KCNMA1: variants seen among roughly 807,000 people sequenced by gnomAD.
KCNMA1 encodes Calcium-activated potassium channel subunit alpha-1.
In KCNMA1, 29 loss-of-function variants were observed where a neutral mutation model predicts 140.0. The observed-to-expected ratio is 0.21, with a 90% confidence interval of 0.15 to 0.28. The LOEUF is 0.28. Ranked by LOEUF, KCNMA1 falls within the 10% of genes least tolerant of loss-of-function variation. The pLI, the probability that KCNMA1 is intolerant of heterozygous loss-of-function variation, is 1.00. For synonymous variants in KCNMA1, 612 were observed against 611.9 expected (o/e 1.00, Z 0.00); for missense variants, 880 against 1,602.2 (o/e 0.55, Z 7.70).
chr10:77,442,783 T>C (rs2097435769), intron 1 of KCNMA1, among the ~76,000 whole-genome samples: 1 of 152,100 alleles, frequency 6.6e-6, no homozygotes, highest in Admixed American at 6.5e-5. Flanking sequence ...GCTCCCCTCC[T>C]CCTCCTTCAC....
rs147293914 is a variant in KCNMA1 at position 77,026,062 on chromosome 10, C to T, written c.1928+1761G>A. On this transcript the variant is annotated intron_variant, in intron 16 of 27. Coordinates refer to ENST00000286628, the MANE Select transcript of KCNMA1 (RefSeq NM_001161352.2). ...AAATATGGCTTTGTTGAAAACATCT[C>T]AGAATTGTGACTCAATTGAAGGGCC... Among the ~76,000 whole-genome samples the T allele has an allele frequency of 4.9e-3, 748 of 151,312 alleles. 8 individuals carry two copies. Among genetic ancestry groups the T allele is most frequent in the African/African-American group, 0.018 (725 of 41,284 alleles).
Position 76,970,022 on chromosome 10 carries a change from C to T in KCNMA1, c.2312G>A (p.Arg771Gln), listed in dbSNP as rs2153158663. The T allele has an allele frequency of 6.2e-7, 1 of 1,613,992 alleles. No homozygotes were observed. Among genetic ancestry groups the T allele is most frequent in the South Asian group, 1.1e-5 (1 of 91,074 alleles). ...GGGTGAGTTCCGCATGCCTCCATTC[C>T]GTTGCTTTTTTTTTGGTGATAGTGT... Reference protein sequence around the residue: ...PSTLSPKKKQRNGGMRNSPNT... With the variant: ...PSTLSPKKKQQNGGMRNSPNT... Residue 771 changes from arginine to glutamine, a missense_variant, in exon 20 of 28, where the codon CGG becomes CAG. By Grantham distance (43) the Arg-to-Gln change is conservative (BLOSUM62 1). Around this residue, in one of 13 missense-constraint regions of KCNMA1, gnomAD observed 196 missense variants for 233.0 expected, o/e 0.84. Coordinates refer to ENST00000286628, the MANE Select transcript of KCNMA1 (RefSeq NM_001161352.2).
chr10:77,302,649 G>A (rs1400064553), intron 2 of KCNMA1, among the ~76,000 whole-genome samples: 1 of 152,138 alleles, frequency 6.6e-6, no homozygotes, highest in Non-Finnish European at 1.5e-5. Flanking sequence ...AGCAGAGAGG[G>A]GACGTGAGAA....
chr10:76,992,506 T>C (rs2083065506), intron 19 of KCNMA1, among the ~76,000 whole-genome samples: 1 of 152,170 alleles, frequency 6.6e-6, no homozygotes, highest in Non-Finnish European at 1.5e-5. Flanking sequence ...CCCCTGACTA[T>C]CCAGGTAATT....
intron 29 of KCNMA1, among the ~76,000 whole-genome samples, chr10:76,879,210 C>A (rs1462395420): frequency 6.6e-6 from 1 of 152,062 alleles, no homozygotes; most frequent in African/African-American, 2.4e-5. Flanking sequence ...TTTCAAGTGC[C>A]CTGAGCTGTC....
At chr10:77,266,410 G>C (rs1320182315) in intron 2 of KCNMA1, among the ~76,000 whole-genome samples, 1 of 152,130 alleles carries the variant, frequency 6.6e-6, no homozygotes, top group African/African-American at 2.4e-5. Context: ...AGAACTTTTT[G>C]GCAATAATAT....
chr10:77,295,530 C>T (rs972589733), intron 2 of KCNMA1, among the ~76,000 whole-genome samples: 1 of 151,744 alleles, frequency 6.6e-6, no homozygotes, highest in Non-Finnish European at 1.5e-5. Context: ...GCCTGTAATC[C>T]CAGCACTTTG....
intron 5 of KCNMA1, among the ~76,000 whole-genome samples, chr10:77,141,171 C>G (rs895528506): frequency 1.3e-5 from 2 of 152,162 alleles, no homozygotes; most frequent in Non-Finnish European, 2.9e-5. Context: ...TCTGGGCTAT[C>G]CAGAGGAAGA....
chr10:77,282,081 A>G (rs953622247), intron 2 of KCNMA1, among the ~76,000 whole-genome samples: 2 of 152,188 alleles, frequency 1.3e-5, no homozygotes, highest in Non-Finnish European at 2.9e-5. Context: ...CGATCCTTAA[A>G]ACATGCTCTT....
intron 1 of KCNMA1, among the ~76,000 whole-genome samples, chr10:77,622,017 T>C (rs1181374219): frequency 6.6e-6 from 1 of 152,212 alleles, no homozygotes; most frequent in African/African-American, 2.4e-5. Context: ...GTTCATAAAA[T>C]ACATTTATAT....
intron 1 of KCNMA1, among the ~76,000 whole-genome samples, chr10:77,448,958 A>G (rs573416296): frequency 6.6e-5 from 10 of 152,020 alleles, no homozygotes; most frequent in African/African-American, 1.7e-4. Flanking sequence ...GTAGTGGTGC[A>G]TGCCTGTAAT....
intron 3 of KCNMA1, among the ~76,000 whole-genome samples, chr10:77,224,938 A>G (rs568182031): frequency 6.6e-6 from 1 of 152,278 alleles, no homozygotes; most frequent in Admixed American, 6.5e-5. Flanking sequence ...CGCTGCTCCC[A>G]CTTGTCAGAT....
At chr10:77,625,281 T>A (rs1468421198) in intron 1 of KCNMA1, among the ~76,000 whole-genome samples, 1 of 152,008 alleles carries the variant, frequency 6.6e-6, no homozygotes, top group Non-Finnish European at 1.5e-5. Context: ...CTCCGGAGGC[T>A]GAGGCAGGAG....
At chr10:77,125,764 G>A (rs2097718856) in intron 5 of KCNMA1, among the ~76,000 whole-genome samples, 1 of 152,228 alleles carries the variant, frequency 6.6e-6, no homozygotes, top group Admixed American at 6.5e-5. Flanking sequence ...GGCATAAGGT[G>A]AAGGCTCAAT....
At chr10:77,546,818 CA>C (rs1437276919) in intron 1 of KCNMA1, among the ~76,000 whole-genome samples, 1 of 152,202 alleles carries the variant, frequency 6.6e-6, no homozygotes, top group Non-Finnish European at 1.5e-5. Flanking sequence ...TGGGCATTAG[CA>C]ACTGGAGTTC....
In KCNMA1 at chr10:77,277,823, G is replaced by A. The variant is rs181853274; in HGVS notation, c.541-26567C>T. On this transcript the variant is annotated intron_variant, in intron 2 of 27. Transcript: ENST00000286628. ...ACCCCAAGTACCACAATTGGAGAAG[G>A]ATGATCTCCAAAGCTGCCTGGGAAG... Among the ~76,000 whole-genome samples the A allele has an allele frequency of 1.5e-3, 223 of 152,294 alleles. 1 individual carries two copies. The highest frequency in any genetic ancestry group is 2.9e-4 in the Non-Finnish European group (20 of 68,024).
chr10:77,243,738 A>G (rs573048), intron 3 of KCNMA1, among the ~76,000 whole-genome samples: 52,743 of 152,084 alleles, frequency 0.35, 9,563 homozygotes, highest in East Asian at 0.57. Context: ...CAATGTGTTC[A>G]GCTCTTCAAT....
intron 13 of KCNMA1, among the ~76,000 whole-genome samples, chr10:77,073,677 CA>C (rs1219934188): frequency 6.6e-6 from 1 of 152,190 alleles, no homozygotes; most frequent in Non-Finnish European, 1.5e-5. Flanking sequence ...TCCCAGGCAT[CA>C]GGAGCGGGCA....
intron 3 of KCNMA1, among the ~76,000 whole-genome samples, chr10:77,235,166 C>T (rs1218793858): frequency 6.6e-6 from 1 of 152,132 alleles, no homozygotes; most frequent in Admixed American, 6.5e-5. Flanking sequence ...AGGGCTTGGC[C>T]TCATTCAGGG....
Sources: allele counts gnomAD v4.1 joint callset (sites outside exome capture counted in the v4.1 genomes callset), GRCh38; gene constraint gnomAD v4.1.1; regional missense constraint gnomAD v4.1.1; transcripts MANE v1.5; gene names NCBI Gene and HGNC (gene_info 2026-07-23, HGNC 2026-07-21).